CDK13: variants seen among roughly 807,000 people sequenced by gnomAD.
CDK13 encodes cyclin dependent kinase 13.
Under a neutral mutation model 137.6 loss-of-function variants are expected in CDK13, and 40 were observed. The ratio of observed to expected loss-of-function variants is 0.29; its 90% CI spans 0.23 to 0.38. The LOEUF (loss-of-function observed/expected upper bound fraction) is 0.38, where lower values mean the gene tolerates loss of function less well. CDK13 is among the 10% of genes least tolerant of loss of function. The pLI, the probability that CDK13 is intolerant of heterozygous loss-of-function variation, is 1.00. For synonymous variants in CDK13, 869 were observed against 760.1 expected, an observed-to-expected ratio of 1.14 and a Z score of -2.36; for missense variants, 1,704 against 1,951.8, an observed-to-expected ratio of 0.87 and a Z score of 2.39.
chr7:40,005,218 A>G (rs1404912789), intron 5 of CDK13, among the ~76,000 whole-genome samples: 1 of 152,004 alleles, frequency 6.6e-6, no homozygotes. Context: ...TTTTTTTAAA[A>G]CTTAGCTTTA....
At chr7:39,966,439 T>G (rs112611107) in intron 1 of CDK13, among the ~76,000 whole-genome samples, 14 of 152,378 alleles carry the variant, frequency 9.2e-5, no homozygotes, top group African/African-American at 3.1e-4. Context: ...GTAGTTCTTG[T>G]GCCTTGATTT....
At chr7:39,952,540 CTG>C (rs1216799393) in intron 1 of CDK13, 2 of 152,158 alleles carry the variant, frequency 1.3e-5, no homozygotes, top group Non-Finnish European at 2.9e-5. Context: ...AATGACAAGA[CTG>C]TGGTTTCTTT....
intron 5 of CDK13, among the ~76,000 whole-genome samples, chr7:40,013,253 AAGAG>A (rs1211967966): frequency 6.6e-6 from 1 of 152,162 alleles, no homozygotes; most frequent in Non-Finnish European, 1.5e-5. Context: ...CTAGGGGCTT[AAGAG>A]AGAGAGGAAT....
At chr7:40,040,001 T>C (rs1482257850) in intron 5 of CDK13, among the ~76,000 whole-genome samples, 1 of 151,704 alleles carries the variant, frequency 6.6e-6, no homozygotes, top group Non-Finnish European at 1.5e-5. Flanking sequence ...AGATAACTGA[T>C]TCATTTGCTT....
intron 1 of CDK13, among the ~76,000 whole-genome samples, chr7:39,962,337 G>A (rs1161254710): frequency 1.3e-5 from 2 of 152,188 alleles, no homozygotes; most frequent in East Asian, 1.9e-4. Context: ...TCTAACTGGT[G>A]TGAGATGGTA....
chr7:40,024,657 T>G lies in CDK13; in HGVS notation c.2354-21179T>G, dbSNP rs1195868222. On this transcript the variant is annotated intron_variant, in intron 5 of 13. Coordinates refer to ENST00000181839, the MANE Select transcript of CDK13 (RefSeq NM_003718.5). The stretch of plus-strand genomic sequence containing the variant: ...TCTGTAGCTCTGTGTTTTTTTTTTT[T>G]TTTTTTTTTTTTTTTTTTTTTCCTG... 1.5e-4 allele frequency among the ~76,000 whole-genome samples: 18 copies of G among 122,266 alleles called. No homozygotes were observed. The East Asian group carries it at 2.9e-3, about 20-fold the overall frequency. The allele number at this position is 122,266 out of a possible 152,430, so 80.2% of individuals were successfully genotyped here. A position where few individuals can be genotyped will look rare whatever the true frequency, so the allele number is the denominator to read the frequency against.
intron 6 of CDK13, among the ~76,000 whole-genome samples, chr7:40,046,633 C>T (rs1457199853): frequency 6.6e-6 from 1 of 151,882 alleles, no homozygotes; most frequent in Non-Finnish European, 1.5e-5. Context: ...GGTGACACAG[C>T]GAGACTCTGG....
At chr7:40,017,696 T>C (rs1009963878) in intron 5 of CDK13, among the ~76,000 whole-genome samples, 8 of 152,114 alleles carry the variant, frequency 5.3e-5, no homozygotes, top group Admixed American at 5.2e-4. Flanking sequence ...TTCTTTGTTA[T>C]TTTAAATCTT....
intron 5 of CDK13, among the ~76,000 whole-genome samples, chr7:40,006,006 G>A (rs1784790154): frequency 6.6e-6 from 1 of 152,210 alleles, no homozygotes; most frequent in African/African-American, 2.4e-5. Flanking sequence ...ACTGGCGTGA[G>A]TCATCACACT....
At chr7:39,996,952 A>G (rs1471946391) in intron 2 of CDK13, among the ~76,000 whole-genome samples, 1 of 111,540 alleles carries the variant, frequency 9.0e-6, no homozygotes, top group Non-Finnish European at 1.7e-5. Flanking sequence ...TGACAGTGAG[A>G]TTCCATCTCA....
chr7:40,033,098 T>C (rs182389535), intron 5 of CDK13, among the ~76,000 whole-genome samples: 2 of 152,234 alleles, frequency 1.3e-5, no homozygotes, highest in African/African-American at 4.8e-5. Flanking sequence ...TGGGATTATA[T>C]GTGTGAGCCA....
At chr7:40,083,676 AATTTT>A (rs1314260909) in intron 11 of CDK13, among the ~76,000 whole-genome samples, 2 of 152,166 alleles carry the variant, frequency 1.3e-5, no homozygotes, top group Non-Finnish European at 2.9e-5. Flanking sequence ...AATCAGACTT[AATTTT>A]ATCAGAACAC....
At chr7:39,968,837 T>A (rs1422612658) in intron 1 of CDK13, among the ~76,000 whole-genome samples, 1 of 152,184 alleles carries the variant, frequency 6.6e-6, no homozygotes, top group Non-Finnish European at 1.5e-5. Context: ...AATGGGGCAT[T>A]TAAGACCCCC....
At position 40,091,828 on chromosome 7, in the gene CDK13, T is replaced by TA. The variant is rs546553221; in HGVS notation, c.3236-956dup. ...ATTAAACACCAGTTTTTCATCATCT[T>TA]AGAGTTCCTCTTCTATCAATCTGTC... is the stretch of plus-strand genomic sequence containing the variant. On this transcript the variant is annotated intron_variant, in intron 12 of 13. Transcript: ENST00000181839. Among the ~76,000 whole-genome samples the TA allele has an allele frequency of 1.4e-3, 210 of 152,350 alleles. 1 individual carries two copies. Among genetic ancestry groups the TA allele is most frequent in the Non-Finnish European group, 2.5e-3 (169 of 68,030 alleles).
At chr7:40,005,631 T>G (rs1784783513) in intron 5 of CDK13, among the ~76,000 whole-genome samples, 1 of 152,092 alleles carries the variant, frequency 6.6e-6, no homozygotes, top group Admixed American at 6.6e-5. Context: ...AAAAAAGGAA[T>G]TATTCTTAAG....
At chr7:40,069,193 C>T (rs2150530623) in intron 9 of CDK13, 1 of 389,744 alleles carries the variant, frequency 2.6e-6, no homozygotes, top group Middle Eastern at 9.1e-4. Flanking sequence ...TGTGATTGCA[C>T]CACTGCCCTT....
intron 1 of CDK13, among the ~76,000 whole-genome samples, chr7:39,957,594 A>G (rs1787457459): frequency 6.6e-6 from 1 of 152,206 alleles, no homozygotes; most frequent in Non-Finnish European, 1.5e-5. Context: ...GTTTCGATTT[A>G]TAAGGAGGGA....
intron 4 of CDK13, among the ~76,000 whole-genome samples, chr7:40,001,200 T>C (rs1311980749): frequency 6.6e-6 from 1 of 151,134 alleles, no homozygotes; most frequent in Admixed American, 6.6e-5. Flanking sequence ...CAGTGTGATA[T>C]ACCCAGTCTT....
intron 9 of CDK13, chr7:40,067,182 C>T (rs1429218016): frequency 6.6e-6 from 1 of 152,218 alleles, no homozygotes; most frequent in African/African-American, 2.4e-5. Flanking sequence ...GGTCATAAAA[C>T]TAGCAAGTGG....
Sources: allele counts gnomAD v4.1 joint callset (sites outside exome capture counted in the v4.1 genomes callset), GRCh38; gene constraint gnomAD v4.1.1; transcripts MANE v1.5; gene names NCBI Gene and HGNC (gene_info 2026-07-23, HGNC 2026-07-21).